Variants in TMTC1 observed in about 807,000 individuals in gnomAD.
TMTC1 encodes transmembrane O-mannosyltransferase targeting cadherins 1.
In TMTC1, 73 loss-of-function variants were observed where a neutral mutation model predicts 104.8. The ratio of observed to expected loss-of-function variants is 0.70; its 90% CI spans 0.58 to 0.85. The LOEUF is 0.85. TMTC1 is among the 40% of genes least tolerant of loss of function. The pLI is 0.00. For synonymous variants in TMTC1, 434 were observed against 428.7 expected, an observed-to-expected ratio of 1.01 and a Z score of -0.15; for missense variants, 1,035 against 1,096.1, an observed-to-expected ratio of 0.94 and a Z score of 0.79.
intron 10 of TMTC1, among the ~76,000 whole-genome samples, chr12:29,549,305 CA>C (rs1438489535): frequency 6.6e-6 from 1 of 151,748 alleles, no homozygotes; most frequent in Non-Finnish European, 1.5e-5. Flanking sequence ...ACCAAATTAT[CA>C]CTTTAAAATA....
intron 10 of TMTC1, among the ~76,000 whole-genome samples, chr12:29,536,599 C>G (rs985576261): frequency 2.6e-5 from 4 of 152,144 alleles, no homozygotes; most frequent in African/African-American, 9.7e-5. Context: ...GAGTTATATT[C>G]AATATTTTGC....
At chr12:29,508,830 G>A (rs1034704614) in intron 17 of TMTC1, among the ~76,000 whole-genome samples, 5 of 151,942 alleles carry the variant, frequency 3.3e-5, no homozygotes, top group South Asian at 2.1e-4. Context: ...TGCCTGCCTC[G>A]GAATCCCAAA....
At chr12:29,656,737 A>G (rs374839433) in intron 5 of TMTC1, among the ~76,000 whole-genome samples, 1 of 152,324 alleles carries the variant, frequency 6.6e-6, no homozygotes, top group East Asian at 1.9e-4. Context: ...AAAGTCCTGG[A>G]CAAAATATTT....
At chr12:29,542,240 T>C (rs1364929468) in intron 10 of TMTC1, among the ~76,000 whole-genome samples, 2 of 152,166 alleles carry the variant, frequency 1.3e-5, no homozygotes, top group African/African-American at 4.8e-5. Flanking sequence ...CAGAAAACTC[T>C]GAATCCCTTT....
At chr12:29,731,384 G>C (rs919848865) in intron 5 of TMTC1, among the ~76,000 whole-genome samples, 2 of 152,114 alleles carry the variant, frequency 1.3e-5, no homozygotes, top group Non-Finnish European at 2.9e-5. Flanking sequence ...CTCAAACTCT[G>C]TTCTCAAGTG....
At chr12:29,593,599 C>T (rs957157444) in intron 7 of TMTC1, among the ~76,000 whole-genome samples, 1 of 152,172 alleles carries the variant, frequency 6.6e-6, no homozygotes, top group Non-Finnish European at 1.5e-5. Flanking sequence ...ATTGTAGTCA[C>T]GTGTTTATGT....
chr12:29,631,809 T>G (rs1336695268), intron 6 of TMTC1, among the ~76,000 whole-genome samples: 1 of 152,222 alleles, frequency 6.6e-6, no homozygotes, highest in Non-Finnish European at 1.5e-5. Context: ...CTGAAATTAT[T>G]ACTCAGTTCT....
intron 2 of TMTC1, among the ~76,000 whole-genome samples, chr12:29,760,415 A>G (rs1739172087): frequency 6.6e-6 from 1 of 152,190 alleles, no homozygotes; most frequent in South Asian, 2.1e-4. Flanking sequence ...AAGAAATATC[A>G]AAAATATCAA....
chr12:29,675,300 G>A (rs989455071), intron 5 of TMTC1, among the ~76,000 whole-genome samples: 2 of 152,076 alleles, frequency 1.3e-5, no homozygotes, highest in African/African-American at 4.8e-5. Flanking sequence ...CCAACTGAAC[G>A]TCCACTGAAA....
At chr12:29,553,327 A>G (rs890367078) in intron 10 of TMTC1, among the ~76,000 whole-genome samples, 2 of 152,232 alleles carry the variant, frequency 1.3e-5, no homozygotes, top group South Asian at 4.1e-4. Context: ...ATCGTTTTAA[A>G]GATTAAATAA....
At chr12:29,680,277 GC>G (rs1031990555) in intron 5 of TMTC1, among the ~76,000 whole-genome samples, 2 of 152,142 alleles carry the variant, frequency 1.3e-5, no homozygotes, top group African/African-American at 4.8e-5. Context: ...CACTGAAAAA[GC>G]CTAGAAACAG....
chr12:29,727,848 T>A lies in TMTC1; in HGVS notation c.938+23818A>T, dbSNP rs552083611. 3.7e-3 allele frequency among the ~76,000 whole-genome samples: 566 copies of A among 152,264 alleles called. 1 individual carries two copies. Among genetic ancestry groups the A allele is most frequent in the African/African-American group, 0.013 (522 of 41,552 alleles). On this transcript the variant is annotated intron_variant, in intron 5 of 17. Transcript: ENST00000539277. Reference sequence around the variant, plus strand: ...CACTATTGACCAGGCTAGAGTGCACTGCCACAATCATAGCTCACTGCAGCC... The same window carrying A: ...CACTATTGACCAGGCTAGAGTGCACAGCCACAATCATAGCTCACTGCAGCC...
chr12:29,610,121 C>T lies in TMTC1; in HGVS notation c.1129-5822G>A, dbSNP rs142530734. The T allele has an allele frequency of 5.9e-3, 892 of 152,370 alleles. 4 individuals carry two copies. The highest frequency in any genetic ancestry group is 0.017 in the Middle Eastern group (5 of 294). 9.4% of individuals were successfully genotyped at this position (152,370 alleles called of 1,614,324 possible). On this transcript the variant is annotated intron_variant, in intron 6 of 17. Coordinates refer to ENST00000539277, the MANE Select transcript of TMTC1 (RefSeq NM_001193451.2). ...CTCTTCAATCACCTCACTGGTCGCACCATGTGTTTCCTGCCAGGAATCTGA... is the reference window on the plus strand; with the variant it reads ...CTCTTCAATCACCTCACTGGTCGCATCATGTGTTTCCTGCCAGGAATCTGA...
At chr12:29,635,130 G>A (rs1422167159) in intron 5 of TMTC1, among the ~76,000 whole-genome samples, 2 of 151,852 alleles carry the variant, frequency 1.3e-5, no homozygotes, top group Non-Finnish European at 2.9e-5. Context: ...TACAAATAGA[G>A]TAGTATATAC....
At chr12:29,575,105 C>T (rs560807130) in intron 8 of TMTC1, among the ~76,000 whole-genome samples, 72 of 152,278 alleles carry the variant, frequency 4.7e-4, no homozygotes, top group Admixed American at 1.6e-3. Flanking sequence ...CAAGATCACA[C>T]AGCTAGCAAG....
chr12:29,634,321 C>T (rs576575150), intron 5 of TMTC1, among the ~76,000 whole-genome samples: 61 of 152,296 alleles, frequency 4.0e-4, no homozygotes, highest in African/African-American at 1.4e-3. Context: ...ATGTAATCAT[C>T]AGGAAGGACA....
chr12:29,648,262 T>C (rs1396125590), intron 5 of TMTC1, among the ~76,000 whole-genome samples: 1 of 152,204 alleles, frequency 6.6e-6, no homozygotes, highest in East Asian at 1.9e-4. Flanking sequence ...CTAGTGTTTT[T>C]GAGGCACATT....
intron 5 of TMTC1, among the ~76,000 whole-genome samples, chr12:29,635,321 C>T (rs1938497084): frequency 6.6e-6 from 1 of 152,156 alleles, no homozygotes; most frequent in South Asian, 2.1e-4. Flanking sequence ...CAGGCTGATG[C>T]CATCTACCTT....
At chr12:29,566,366 C>A (rs776765336) in intron 9 of TMTC1, among the ~76,000 whole-genome samples, 126 of 152,206 alleles carry the variant, frequency 8.3e-4, no homozygotes, top group Middle Eastern at 3.4e-3. Context: ...TGGTGCAGGG[C>A]GAGCATGGAG....
Sources: allele counts gnomAD v4.1 joint callset (sites outside exome capture counted in the v4.1 genomes callset), GRCh38; gene constraint gnomAD v4.1.1; transcripts MANE v1.5; gene names NCBI Gene and HGNC (gene_info 2026-07-23, HGNC 2026-07-21).